Variants in G3BP2 observed in about 807,000 individuals in gnomAD.
The protein encoded by G3BP2 is G3BP stress granule assembly factor 2.
In G3BP2, 11 loss-of-function variants were observed where a neutral mutation model predicts 56.7. The observed-to-expected ratio is 0.19, with a 90% CI of 0.12 to 0.32. G3BP2 has a LOEUF of 0.32. G3BP2 is among the 10% of genes least tolerant of loss of function. G3BP2 has a pLI of 1.00. For missense variants in G3BP2, 340 were observed against 610.9 expected (o/e 0.56, Z 4.67); for synonymous variants, 165 against 191.6 (o/e 0.86, Z 1.15).
chr4:75,692,777 G>GA (rs1211017409), intron 3 of G3BP2, among the ~76,000 whole-genome samples: 2 of 152,022 alleles, frequency 1.3e-5, no homozygotes, highest in South Asian at 2.1e-4. Context: ...GGGCTATGAA[G>GA]AAAAAAAGGA....
intron 3 of G3BP2, among the ~76,000 whole-genome samples, chr4:75,685,253 C>A (rs1028963661): frequency 8.6e-5 from 13 of 151,308 alleles, no homozygotes; most frequent in African/African-American, 3.2e-4. Context: ...GTAATCCCAG[C>A]ACTTTGGGAG....
chr4:75,673,597 GGGAACC>G (rs757751004), upstream of G3BP2: 1 of 1,231,692 alleles, frequency 8.1e-7, no homozygotes, highest in African/African-American at 1.6e-5. Context: ...CGGAAAGCCG[GGGAACC>G]GGAACCGGCC....
chr4:75,667,124 T>TA (rs1372623056), intron 1 of G3BP2, among the ~76,000 whole-genome samples: 1 of 151,674 alleles, frequency 6.6e-6, no homozygotes, highest in Admixed American at 6.6e-5. Flanking sequence ...CCGTCTCTAC[T>TA]AAAAAATACA....
chr4:75,709,140 G>A lies in G3BP2; in HGVS notation c.-25+11737C>T, dbSNP rs1410364698. ...ACAACAACAACAAAACAACCAGCCA[G>A]GCAGGGCATGGTGGCTCACACCTGT... On this transcript the variant is annotated intron_variant, in intron 3 of 3. Transcript: ENST00000499709. 2.0e-5 allele frequency among the ~76,000 whole-genome samples: 3 copies of A among 151,186 alleles called. No individual in the cohort carries two copies. The East Asian group carries it at 5.9e-4, about 30-fold the overall frequency.
intron 3 of G3BP2, among the ~76,000 whole-genome samples, chr4:75,716,491 T>C (rs895964661): frequency 6.7e-6 from 1 of 148,532 alleles, no homozygotes; most frequent in Admixed American, 6.7e-5. Context: ...TAGTTCTTGT[T>C]TTTTTTTGTT....
chr4:75,687,112 T>C (rs1250695983), intron 3 of G3BP2, among the ~76,000 whole-genome samples: 2 of 152,152 alleles, frequency 1.3e-5, no homozygotes, highest in African/African-American at 4.8e-5. Flanking sequence ...AGTATTTTTT[T>C]TTTTAACTGG....
At chr4:75,670,377 AC>A (rs1400448461) in intron 1 of G3BP2, 2 of 152,222 alleles carry the variant, frequency 1.3e-5, no homozygotes, top group Non-Finnish European at 2.9e-5. Context: ...TAAAGAAATG[AC>A]CTTCAATCTT....
intron 2 of G3BP2, among the ~76,000 whole-genome samples, chr4:75,659,268 C>T (rs1017385666): frequency 2.6e-5 from 4 of 152,128 alleles, no homozygotes; most frequent in African/African-American, 7.2e-5. Flanking sequence ...AATACAGATG[C>T]TATAGTAATT....
At chr4:75,680,032 C>T (rs1734011363) in intron 3 of G3BP2, among the ~76,000 whole-genome samples, 1 of 152,214 alleles carries the variant, frequency 6.6e-6, no homozygotes, top group Non-Finnish European at 1.5e-5. Flanking sequence ...TCCTAGCCCT[C>T]AGTGGGCTGC....
chr4:75,721,184 G>A (rs1577910850), intron 2 of G3BP2, among the ~76,000 whole-genome samples: 1 of 151,656 alleles, frequency 6.6e-6, no homozygotes, highest in Middle Eastern at 3.4e-3. Flanking sequence ...CAGGTGATCC[G>A]TCCACCTCAG....
intron 3 of G3BP2, among the ~76,000 whole-genome samples, chr4:75,691,343 G>C (rs1469747731): frequency 6.6e-6 from 1 of 152,156 alleles, no homozygotes; most frequent in African/African-American, 2.4e-5. Context: ...GCCTCCCAAA[G>C]TGCTGGGATT....
intron 3 of G3BP2, among the ~76,000 whole-genome samples, chr4:75,703,791 A>G (rs1719436665): frequency 6.6e-6 from 1 of 152,112 alleles, no homozygotes; most frequent in African/African-American, 2.4e-5. Flanking sequence ...TTTCATTCAT[A>G]ATTTCCTTCC....
At chr4:75,683,483 G>A (rs1718421325) in intron 3 of G3BP2, among the ~76,000 whole-genome samples, 1 of 151,852 alleles carries the variant, frequency 6.6e-6, no homozygotes, top group African/African-American at 2.4e-5. Context: ...AGAATCACTT[G>A]AACCTGGGAG....
chr4:75,654,818 A>C (rs892177222), intron 7 of G3BP2: 2 of 429,348 alleles, frequency 4.7e-6, no homozygotes, highest in Non-Finnish European at 8.1e-6. Flanking sequence ...ATAATTTCAT[A>C]TAAGTTACTA....
intron 3 of G3BP2, among the ~76,000 whole-genome samples, chr4:75,705,464 G>A (rs1199979313): frequency 2.0e-5 from 3 of 152,188 alleles, no homozygotes; most frequent in East Asian, 1.9e-4. Context: ...GTCTCTAGTC[G>A]CTTCCCTGTG....
chr4:75,684,362 A>G (rs1240673394), intron 3 of G3BP2, among the ~76,000 whole-genome samples: 1 of 152,100 alleles, frequency 6.6e-6, no homozygotes, highest in African/African-American at 2.4e-5. Context: ...CCAAGATCAC[A>G]CCACTGCACT....
chr4:75,652,450 C>G (rs544066989), intron 8 of G3BP2, among the ~76,000 whole-genome samples: 49 of 152,234 alleles, frequency 3.2e-4, no homozygotes, highest in Non-Finnish European at 6.0e-4. Flanking sequence ...GGTGAAACCC[C>G]GTCTCTACTA....
chr4:75,671,905 G>A (rs1444902175), intron 1 of G3BP2, among the ~76,000 whole-genome samples: 1 of 152,176 alleles, frequency 6.6e-6, no homozygotes, highest in African/African-American at 2.4e-5. Context: ...TGGTTCACAT[G>A]CCTAAGGCTA....
intron 1 of G3BP2, among the ~76,000 whole-genome samples, chr4:75,665,765 T>C (rs1375415601): frequency 2.0e-5 from 3 of 152,002 alleles, no homozygotes; most frequent in Non-Finnish European, 4.4e-5. Context: ...TTTAACAAGA[T>C]AACTAAAACA....
Sources: allele counts gnomAD v4.1 joint callset (sites outside exome capture counted in the v4.1 genomes callset), GRCh38; gene constraint gnomAD v4.1.1; transcripts MANE v1.5; gene names NCBI Gene and HGNC (gene_info 2026-07-23, HGNC 2026-07-21).